Variants in KLF12 observed in about 807,000 individuals in gnomAD.
The protein encoded by KLF12 is KLF transcription factor 12.
Under a neutral mutation model 37.8 loss-of-function variants are expected in KLF12, and 9 were observed. The ratio of observed to expected loss-of-function variants is 0.24; its 90% CI spans 0.14 to 0.42. The LOEUF (loss-of-function observed/expected upper bound fraction) is 0.42, where lower values mean the gene tolerates loss of function less well. Ranked by LOEUF, KLF12 falls within the 10% of genes least tolerant of loss-of-function variation. The probability of loss-of-function intolerance (pLI) is 1.00; values close to 1 mark genes in which losing one functional copy is unlikely to be tolerated. For synonymous variants in KLF12, 208 were observed against 202.1 expected (o/e 1.03, Z -0.25); for missense variants, 411 against 516.0 (o/e 0.80, Z 1.97).
chr13:73,944,314 C>A (rs960163779), intron 2 of KLF12, among the ~76,000 whole-genome samples: 2 of 152,212 alleles, frequency 1.3e-5, no homozygotes, highest in Non-Finnish European at 2.9e-5. Flanking sequence ...GGAGGTCAGA[C>A]TGTAATAAAC....
intron 5 of KLF12, among the ~76,000 whole-genome samples, chr13:73,807,363 C>A (rs996768706): frequency 1.4e-4 from 21 of 151,310 alleles, no homozygotes; most frequent in Non-Finnish European, 2.5e-4. Flanking sequence ...TCTGAGGAAG[C>A]AATAGGGTAT....
chr13:74,262,518 C>T, the KLF12 span, among the ~76,000 whole-genome samples: 1 of 152,154 alleles, frequency 6.6e-6, no homozygotes, highest in South Asian at 2.1e-4. Context: ...ATAGTCTATG[C>T]CCATCCTGTT....
chr13:74,266,466 G>A, the KLF12 span, among the ~76,000 whole-genome samples: 7 of 152,194 alleles, frequency 4.6e-5, no homozygotes, highest in South Asian at 2.1e-4. Context: ...ATGCATCCAC[G>A]TGCACATATA....
chr13:73,759,483 C>A (rs1879406701), intron 6 of KLF12, among the ~76,000 whole-genome samples: 1 of 152,166 alleles, frequency 6.6e-6, no homozygotes, highest in Non-Finnish European at 1.5e-5. Flanking sequence ...GCAACGTCTT[C>A]ATTAAGCTTC....
At chr13:73,927,236 A>G (rs1255928469) in intron 3 of KLF12, among the ~76,000 whole-genome samples, 1 of 152,206 alleles carries the variant, frequency 6.6e-6, no homozygotes, top group Non-Finnish European at 1.5e-5. Flanking sequence ...CAGCCAGCTA[A>G]AAGTGGGAGA....
intron 2 of KLF12, among the ~76,000 whole-genome samples, chr13:73,987,189 C>A (rs1891846246): frequency 1.3e-5 from 2 of 152,018 alleles, no homozygotes; most frequent in Admixed American, 1.3e-4. Context: ...AAAAATCACA[C>A]TTCTTGAGTC....
chr13:73,793,178 A>C (rs1293570269), intron 5 of KLF12, among the ~76,000 whole-genome samples: 1 of 152,222 alleles, frequency 6.6e-6, no homozygotes, highest in Non-Finnish European at 1.5e-5. Context: ...CATTGTGCTA[A>C]GTTCTTGCAT....
intron 5 of KLF12, among the ~76,000 whole-genome samples, chr13:73,786,383 C>T (rs1881345800): frequency 6.6e-6 from 1 of 152,150 alleles, no homozygotes; most frequent in African/African-American, 2.4e-5. Flanking sequence ...TCAGTGTCTG[C>T]AGAATTAACC....
At chr13:74,097,267 C>T (rs777258930) in intron 1 of KLF12, among the ~76,000 whole-genome samples, 14 of 152,110 alleles carry the variant, frequency 9.2e-5, no homozygotes, top group Non-Finnish European at 1.8e-4. Context: ...AGGGACATGG[C>T]ATCCTTAGAA....
the KLF12 span, among the ~76,000 whole-genome samples, chr13:74,269,811 A>C: frequency 6.6e-6 from 1 of 152,150 alleles, no homozygotes; most frequent in Admixed American, 6.5e-5. Flanking sequence ...GCGTGATCTA[A>C]ATTTGGATAA....
At position 73,852,983 on chromosome 13, in the gene KLF12, C is replaced by A. The variant is rs796317249; in HGVS notation, c.124-6610G>T. ...CTGCCGGGTTCATGCCATTCTCCTGCCTCAGCCTCCCAAGTAGCTGGGACT... is the reference window on the plus strand; with the variant it reads ...CTGCCGGGTTCATGCCATTCTCCTGACTCAGCCTCCCAAGTAGCTGGGACT... On this transcript the variant is annotated intron_variant, in intron 3 of 7. Coordinates refer to ENST00000377669, the MANE Select transcript of KLF12 (RefSeq NM_007249.5). Among the ~76,000 whole-genome samples the A allele has an allele frequency of 9.3e-5, 14 of 151,012 alleles. 1 individual carries two copies. In the South Asian group the frequency reaches 1.5e-3, roughly 16 times the overall value.
rs549208432 is a variant in KLF12, at chr13:73,951,479, T to C, written c.34-7409A>G. On this transcript the variant is annotated intron_variant, in intron 2 of 7. Transcript: ENST00000377669. ...ATCTATTGTTCATTGCTTCCAGAGA[T>C]AGAGATCCTCAAAGCACAGGGTACT... 3.3e-5 allele frequency among the ~76,000 whole-genome samples: 5 copies of C among 152,262 alleles called. No individual in the cohort carries two copies. The East Asian group carries it at 7.7e-4, about 23-fold the overall frequency.
chr13:74,079,462 A>G (rs954196961), intron 1 of KLF12, among the ~76,000 whole-genome samples: 1 of 152,246 alleles, frequency 6.6e-6, no homozygotes, highest in Non-Finnish European at 1.5e-5. Flanking sequence ...TGGACTCGCA[A>G]AACTATAAAA....
chr13:74,142,924 A>G, the KLF12 span, among the ~76,000 whole-genome samples: 1 of 152,170 alleles, frequency 6.6e-6, no homozygotes, highest in East Asian at 1.9e-4. Flanking sequence ...TGAAGTTAAA[A>G]TGAATCATCT....
intron 3 of KLF12, among the ~76,000 whole-genome samples, chr13:73,874,239 T>C (rs1886600346): frequency 6.6e-6 from 1 of 152,220 alleles, no homozygotes; most frequent in Non-Finnish European, 1.5e-5. Flanking sequence ...ACTAGATATA[T>C]TGCTTTTTAT....
chr13:73,978,897 T>G (rs182711638), intron 2 of KLF12, among the ~76,000 whole-genome samples: 2 of 152,278 alleles, frequency 1.3e-5, no homozygotes, highest in East Asian at 3.9e-4. Flanking sequence ...TATTGCTAAG[T>G]GAAAGAAGCA....
chr13:73,850,456 A>G (rs1479288390), intron 3 of KLF12, among the ~76,000 whole-genome samples: 2 of 152,206 alleles, frequency 1.3e-5, no homozygotes, highest in African/African-American at 2.4e-5. Context: ...ATCTATTGCT[A>G]TCAACTGAAT....
chr13:74,275,268 G>T, the KLF12 span, among the ~76,000 whole-genome samples: 1 of 152,190 alleles, frequency 6.6e-6, no homozygotes, highest in African/African-American at 2.4e-5. Flanking sequence ...GAAAATATGT[G>T]TCACGATGTT....
chr13:73,914,483 A>G (rs959519393), intron 3 of KLF12, among the ~76,000 whole-genome samples: 10 of 152,242 alleles, frequency 6.6e-5, no homozygotes, highest in Non-Finnish European at 1.2e-4. Flanking sequence ...AGAGAGCCAA[A>G]TAACTTTTTT....
Sources: gnomAD v4.1 joint callset for allele counts (sites outside exome capture counted in the v4.1 genomes callset) on GRCh38, gnomAD v4.1.1 for gene constraint, MANE v1.5 for transcripts, NCBI Gene and HGNC (gene_info 2026-07-23, HGNC 2026-07-21) for gene names.